ATG2B: variants seen among roughly 807,000 people sequenced by gnomAD.
ATG2B encodes autophagy-related protein 2 homolog B.
Under a neutral mutation model 241.3 loss-of-function variants are expected in ATG2B, and 121 were observed. The observed-to-expected ratio is 0.50, with a 90% CI of 0.43 to 0.58. The LOEUF is 0.58. Among genes scored for constraint, ATG2B ranks in the 20% least tolerant of loss-of-function variants. The pLI is 0.00. For missense variants in ATG2B, 2,306 were observed against 2,491.6 expected, an observed-to-expected ratio of 0.93 and a Z score of 1.59; for synonymous variants, 858 against 876.6, an observed-to-expected ratio of 0.98 and a Z score of 0.37.
Position 96,295,473 on chromosome 14 carries a change from A to G in ATG2B, c.5218+9T>C. The G allele has an allele frequency of 6.4e-7, 1 of 1,574,616 alleles. No individual in the cohort carries two copies. The highest frequency in any genetic ancestry group is 8.6e-7 in the Non-Finnish European group (1 of 1,158,512). On this transcript the variant is annotated intron_variant, in intron 35 of 41. Coordinates refer to ENST00000359933, the MANE Select transcript of ATG2B (RefSeq NM_018036.7). ...TGGTATAGTCTTTTCAACTATACAT[A>G]TTTAATACCTTCTGGATCTGGAGTC...
chr14:96,306,403 G>C (rs1219901196), intron 30 of ATG2B, among the ~76,000 whole-genome samples: 1 of 152,046 alleles, frequency 6.6e-6, no homozygotes, highest in Non-Finnish European at 1.5e-5. Context: ...TCTTGGACTA[G>C]CAATTCTGTC....
At chr14:96,314,706 T>C (rs1447935810) in intron 23 of ATG2B, among the ~76,000 whole-genome samples, 1 of 62,208 alleles carries the variant, frequency 1.6e-5, no homozygotes, top group Non-Finnish European at 3.7e-5. Flanking sequence ...TGTTTTGTTT[T>C]GTTTTGTTTT....
rs1400423383 is a variant in ATG2B at position 96,288,818 on chromosome 14, A to AC, written c.6006+837_6006+838insG. ...GCTGACAACACCCAGAAAAAAAAAA[A>AC]AAAACAGGGTTCACTGGCACAACCG... On this transcript the variant is annotated intron_variant, in intron 41 of 41. Transcript: ENST00000359933. 2.3e-4 allele frequency among the ~76,000 whole-genome samples: 35 copies of AC among 152,052 alleles called. 1 individual carries two copies. The highest frequency in any genetic ancestry group is 1.2e-3 in the Admixed American group (19 of 15,272).
intron 14 of ATG2B, among the ~76,000 whole-genome samples, chr14:96,327,367 T>C (rs1887613299): frequency 2.0e-5 from 3 of 152,216 alleles, no homozygotes; most frequent in Admixed American, 2.0e-4. Flanking sequence ...GTTGTCTCCA[T>C]CTGATCCTGG....
chr14:96,353,755 T>C (rs1323217340), intron 1 of ATG2B, among the ~76,000 whole-genome samples: 5 of 151,996 alleles, frequency 3.3e-5, no homozygotes, highest in African/African-American at 1.2e-4. Context: ...ATAAACAATT[T>C]CAATTTATAT....
intron 6 of ATG2B, 146 bp downstream of exon 6, chr14:96,341,376 A>T: frequency 1.9e-6 from 1 of 536,938 alleles, no homozygotes; most frequent in Non-Finnish European, 3.0e-6. Context: ...AGAAGCATCA[A>T]CTGAGAGTAA....
chr14:96,332,507 A>G lies in ATG2B; in HGVS notation c.1356T>C (p.Ala452=). Residue 452 remains alanine, a synonymous_variant, in exon 9 of 42, where the codon GCT becomes GCC. Coordinates refer to ENST00000359933, the MANE Select transcript of ATG2B (RefSeq NM_018036.7). The part of the protein sequence containing the change: ...TNTPAGSPLS[A]TVLQPTWGEF... ...AAATTAAGTAATACTTTACCACAGT[A>G]GCACTTAATGGAGATCCTGCTGGGG... is the stretch of plus-strand genomic sequence containing the variant. 1.9e-6 allele frequency: 3 copies of G among 1,610,932 alleles called. No individual in the cohort carries two copies. The highest frequency in any genetic ancestry group is 1.7e-4 in the Middle Eastern group (1 of 6,032).
rs1339667467 is a variant in ATG2B at position 96,329,498 on chromosome 14, G to A, written c.1867C>T (p.Pro623Ser). 2.5e-6 allele frequency: 4 copies of A among 1,610,994 alleles called. No individual in the cohort carries two copies. In the South Asian group the frequency reaches 3.3e-5, roughly 13 times the overall value. The change falls in exon 12 of 42, where the codon CCT (proline) becomes TCT (serine). Residue 623 changes from proline (P) to serine (S), a missense_variant. By Grantham distance (74) the Pro-to-Ser change is moderately conservative (BLOSUM62 -1). This residue lies in a region of ATG2B where 1,927 missense variants were observed against 2,011.2 expected (regional missense o/e 0.96). Coordinates refer to ENST00000359933, the MANE Select transcript of ATG2B (RefSeq NM_018036.7). ...TCAATATTTACCTCTGTATAGTGAG[G>A]AGGAACAGAATGAAAATCAGTTGGA... ...LFPTDFHSVP[P>S]HYTELLTFHS...
intron 18 of ATG2B, among the ~76,000 whole-genome samples, chr14:96,321,562 A>G (rs759616356): frequency 1.9e-4 from 29 of 152,224 alleles, no homozygotes; most frequent in Non-Finnish European, 3.1e-4. Context: ...TACAGAGGCT[A>G]GATAAACTGC....
In ATG2B at chr14:96,317,195, C is replaced by T; in HGVS notation, c.3160G>A (p.Val1054Ile). Residue 1054 changes from valine to isoleucine, a missense_variant, in exon 20 of 42, where the codon GTT (valine) becomes ATT (isoleucine). Around this residue, in one of 2 missense-constraint regions of ATG2B, gnomAD observed 1,927 missense variants for 2,011.2 expected, o/e 0.96. Transcript: ENST00000359933. ...AATCCATGATTAATATTCAGAAGAA[C>T]TGAGAGAAAACTCTGAGAGTTCTTG... ...QNKNSQSFLS[V>I]LLNINHGLIA... 6.2e-7 allele frequency: 1 copy of T among 1,613,754 alleles called. No homozygotes were observed. The highest frequency in any genetic ancestry group is 1.1e-5 in the South Asian group (1 of 91,024).
chr14:96,285,693 C>T lies in ATG2B; in HGVS notation c.*62G>A. On this transcript the variant is annotated 3_prime_UTR_variant, in exon 42 of 42. Coordinates refer to ENST00000359933, the MANE Select transcript of ATG2B (RefSeq NM_018036.7). The surrounding 1 kb of genome is among the most constrained non-coding windows in gnomAD (Gnocchi z 4.2). Reference sequence around the variant, plus strand: ...ATTAAACGAGCTTCCTCTGAAGCTGCTGTCAGGACTCTGAGCTCCTGGTTC... The same window carrying T: ...ATTAAACGAGCTTCCTCTGAAGCTGTTGTCAGGACTCTGAGCTCCTGGTTC... 2 of 1,465,100 alleles carry T rather than the reference C, an allele frequency of 1.4e-6. No individual in the cohort carries two copies. Among genetic ancestry groups the T allele is most frequent in the Non-Finnish European group, 1.9e-6 (2 of 1,051,752 alleles). The allele number at this position is 1,465,100 out of a possible 1,614,324, so 90.8% of individuals were successfully genotyped here.
intron 19 of ATG2B, 120 bp from the exon 20 acceptor site, chr14:96,317,437 G>T: frequency 3.5e-6 from 3 of 866,610 alleles, no homozygotes; most frequent in South Asian, 3.9e-5. Context: ...TGTGAACACA[G>T]AAATACATAC....
intron 25 of ATG2B, 47 bp from the exon 26 acceptor site, chr14:96,312,206 G>T: frequency 7.5e-7 from 1 of 1,339,618 alleles, no homozygotes; most frequent in Non-Finnish European, 1.1e-6. Flanking sequence ...TAAGCTTTGA[G>T]TATCATACCC....
chr14:96,317,508 T>C (rs536408115), intron 19 of ATG2B, among the ~76,000 whole-genome samples, 190 bp downstream of exon 19: 1 of 152,296 alleles, frequency 6.6e-6, no homozygotes, highest in Non-Finnish European at 1.5e-5. Flanking sequence ...AAAGAGAACA[T>C]ATTTAAGTGA....
At chr14:96,338,563 A>T (rs1887926926) in intron 6 of ATG2B, among the ~76,000 whole-genome samples, 1 of 152,114 alleles carries the variant, frequency 6.6e-6, no homozygotes, top group African/African-American at 2.4e-5. Flanking sequence ...TCAATAAATG[A>T]TGCTGGGAAA....
chr14:96,292,064 G>A lies in ATG2B; in HGVS notation c.5461C>T (p.Leu1821Phe). Residue 1821 changes from leucine (L) to phenylalanine (F), a missense_variant, in exon 37 of 42, where the codon CTT (leucine) becomes TTT (phenylalanine). Transcript: ENST00000359933. ...GATACATGTTTGCCATGATAATCAA[G>A]TCGAATGGGAACTTCTGACGTGAAT... ...FRFTSEVPIRLDYHGKHVSMD... is the reference protein window; with the variant it reads ...FRFTSEVPIRFDYHGKHVSMD... 2 of 1,599,508 alleles carry A rather than the reference G, an allele frequency of 1.3e-6. No homozygotes were observed. Among genetic ancestry groups the A allele is most frequent in the South Asian group, 1.1e-5 (1 of 88,514 alleles).
chr14:96,309,689 C>A (rs978390424), intron 28 of ATG2B, 95 bp from the exon 29 acceptor site: 3 of 1,186,170 alleles, frequency 2.5e-6, no homozygotes, highest in African/African-American at 3.1e-5. Flanking sequence ...TTACATTGTA[C>A]AAAAACATCA....
At chr14:96,318,377 C>G (rs1362069462) in intron 18 of ATG2B, 2 of 152,082 alleles carry the variant, frequency 1.3e-5, no homozygotes, top group Non-Finnish European at 2.9e-5. Context: ...TGTGACCTTC[C>G]CAAAGTCACA....
intron 14 of ATG2B, 28 bp downstream of exon 14, chr14:96,328,319 T>C (rs1301332742): frequency 4.6e-6 from 7 of 1,517,098 alleles, no homozygotes; most frequent in Non-Finnish European, 4.5e-6. Flanking sequence ...ATAATTATGA[T>C]TAGTATTTGC....
Sources: allele counts gnomAD v4.1 joint callset (sites outside exome capture counted in the v4.1 genomes callset), GRCh38; gene constraint gnomAD v4.1.1; regional missense constraint gnomAD v4.1.1; non-coding constraint Gnocchi (gnomAD v3.1); transcripts MANE v1.5; gene names NCBI Gene and HGNC (gene_info 2026-07-23, HGNC 2026-07-21).